SENP2: variants seen among roughly 807,000 people sequenced by gnomAD.
SENP2 encodes the protein sentrin-specific protease 2.
Under a neutral mutation model 86.3 loss-of-function variants are expected in SENP2, and 16 were observed. The observed-to-expected ratio is 0.19, with a 90% CI of 0.13 to 0.28. The LOEUF (loss-of-function observed/expected upper bound fraction) is 0.28, where lower values mean the gene tolerates loss of function less well. SENP2 is among the 10% of genes least tolerant of loss of function. SENP2 has a pLI of 1.00. For synonymous variants in SENP2, 222 were observed against 238.7 expected, an observed-to-expected ratio of 0.93 and a Z score of 0.64; for missense variants, 552 against 703.0, an observed-to-expected ratio of 0.79 and a Z score of 2.43.
At chr3:185,610,452 G>A (rs567960907) in intron 7 of SENP2, among the ~76,000 whole-genome samples, 3 of 151,712 alleles carry the variant, frequency 2.0e-5, no homozygotes, top group Admixed American at 1.3e-4. Flanking sequence ...GTGAGCCACC[G>A]CACCCGGCCT....
In SENP2 at chr3:185,586,314, C is replaced by T; in HGVS notation, c.-100C>T. On this transcript the variant is annotated 5_prime_UTR_variant, in exon 1 of 17. Coordinates refer to ENST00000296257, the MANE Select transcript of SENP2 (RefSeq NM_021627.3). The surrounding 1 kb of genome is among the most constrained non-coding windows in gnomAD (Gnocchi z 4.3). ...CGCGTCACAAATCAGCGACCGAACT[C>T]TGGCGGTGGTGGTTAAGACGGCGAA... The T allele has an allele frequency of 6.3e-7, 1 of 1,575,924 alleles. No homozygotes were observed.
At chr3:185,614,185 A>G (rs892953848) in intron 10 of SENP2, among the ~76,000 whole-genome samples, 2 of 152,234 alleles carry the variant, frequency 1.3e-5, no homozygotes, top group African/African-American at 2.4e-5. Flanking sequence ...TTGAGTTACT[A>G]TAAAGATAGT....
intron 2 of SENP2, among the ~76,000 whole-genome samples, chr3:185,591,689 A>T (rs1057510084): frequency 6.6e-6 from 1 of 151,888 alleles, no homozygotes; most frequent in Non-Finnish European, 1.5e-5. Flanking sequence ...AAATGTTTCA[A>T]ACTGAGGTGA....
chr3:185,599,874 A>C (rs1722289513), intron 4 of SENP2, among the ~76,000 whole-genome samples: 1 of 142,518 alleles, frequency 7.0e-6, no homozygotes, highest in South Asian at 2.2e-4. Context: ...CAATAGGGCG[A>C]TCTCGGCTCC....
rs140862193 is a variant in SENP2, at chr3:185,610,656, CT to C, written c.723-990del. 3.4e-3 allele frequency among the ~76,000 whole-genome samples: 519 copies of C among 152,156 alleles called. 5 individuals are homozygous for C. The highest frequency in any genetic ancestry group is 0.012 in the African/African-American group (490 of 41,534). ...TGGCGAAACCCTCAAACTATTTTTG[CT>C]TTTTAAAGTTGCTGCTTTGGCTGGG... is the stretch of plus-strand genomic sequence containing the variant. On this transcript the variant is annotated intron_variant, in intron 7 of 16. Coordinates refer to ENST00000296257, the MANE Select transcript of SENP2 (RefSeq NM_021627.3).
chr3:185,602,911 CTTT>C (rs748676466), intron 5 of SENP2, among the ~76,000 whole-genome samples: 15 of 105,752 alleles, frequency 1.4e-4, no homozygotes, highest in Admixed American at 4.5e-4. Flanking sequence ...TTACACGTTA[CTTT>C]TTTTTTTTTT....
At chr3:185,610,154 C>CTTTTTT (rs557832407) in intron 7 of SENP2, among the ~76,000 whole-genome samples, 9 of 115,078 alleles carry the variant, frequency 7.8e-5, no homozygotes, top group Non-Finnish European at 1.0e-4. Flanking sequence ...TATTATCTAG[C>CTTTTTT]TTTTTTTTTT....
In SENP2 at chr3:185,631,002, T is replaced by G. The variant is rs2148998549; in HGVS notation, c.*1158T>G. ...AAAACCTTACTGATATGGTTATAACTTCAGACAGTTTAGAGTTGGTCAGAA... is the reference window on the plus strand; with the variant it reads ...AAAACCTTACTGATATGGTTATAACGTCAGACAGTTTAGAGTTGGTCAGAA... On this transcript the variant is annotated 3_prime_UTR_variant, in exon 17 of 17. Coordinates refer to ENST00000296257, the MANE Select transcript of SENP2 (RefSeq NM_021627.3). 6.6e-6 allele frequency: 1 copy of G among 152,322 alleles called. No homozygotes were observed. The highest frequency in any genetic ancestry group is 1.9e-4 in the East Asian group (1 of 5,192). The allele number at this position is 152,322 out of a possible 1,614,324, so 9.4% of individuals were successfully genotyped here.
chr3:185,632,213 G>GTTTTTTTTTTTT lies in SENP2; in HGVS notation c.*2379_*2380insTTTTTTTTTTTT, dbSNP rs369236428. On this transcript the variant is annotated 3_prime_UTR_variant, in exon 17 of 17. Transcript: ENST00000296257. Reference sequence around the variant, plus strand: ...CAAATTATCACCATTAAAGCCAGTGGTTTTTTTTTTGTTTTTTTTTTTTGT... The same window carrying GTTTTTTTTTTTT: ...CAAATTATCACCATTAAAGCCAGTGGTTTTTTTTTTTTTTTTTTTTTTGTTTTTTTTTTTTGT... 7.2e-5 allele frequency: 9 copies of GTTTTTTTTTTTT among 125,358 alleles called. No homozygotes were observed. Among genetic ancestry groups the GTTTTTTTTTTTT allele is most frequent in the African/African-American group, 1.2e-4 (4 of 33,098 alleles). 7.8% of individuals were successfully genotyped at this position (125,358 alleles called of 1,614,324 possible). A position where few individuals can be genotyped will look rare whatever the true frequency, so the allele number is the denominator to read the frequency against.
chr3:185,629,493 G>A (rs139837525), intron 16 of SENP2, among the ~76,000 whole-genome samples: 155 of 151,524 alleles, frequency 1.0e-3, no homozygotes, highest in African/African-American at 3.7e-3. Context: ...GACAAGAATC[G>A]CTCGAACCCA....
At chr3:185,608,546 G>A (rs184359201) in intron 6 of SENP2, among the ~76,000 whole-genome samples, 1 of 152,192 alleles carries the variant, frequency 6.6e-6, no homozygotes, top group African/African-American at 2.4e-5. Flanking sequence ...TCTCCTGGAA[G>A]CTCGTGGATA....
intron 2 of SENP2, among the ~76,000 whole-genome samples, chr3:185,590,521 C>T (rs1040535727): frequency 1.3e-5 from 2 of 150,664 alleles, no homozygotes; most frequent in African/African-American, 2.4e-5. Context: ...GCACTTCAGC[C>T]TGGGGCGACA....
intron 7 of SENP2, 41 bp from the exon 8 acceptor site, chr3:185,611,610 T>C: frequency 1.5e-6 from 2 of 1,343,106 alleles, no homozygotes; most frequent in Non-Finnish European, 2.1e-6. Flanking sequence ...TGGTAGACTT[T>C]GCTTTTGTAT....
intron 2 of SENP2, among the ~76,000 whole-genome samples, chr3:185,595,778 A>G (rs1487580248): frequency 6.6e-6 from 1 of 151,874 alleles, no homozygotes; most frequent in Non-Finnish European, 1.5e-5. Context: ...TTTTGGTGGC[A>G]AGGAAGGGTG....
intron 7 of SENP2, among the ~76,000 whole-genome samples, chr3:185,609,588 A>G (rs1185155586): frequency 5.3e-5 from 8 of 152,088 alleles, no homozygotes; most frequent in African/African-American, 1.7e-4. Flanking sequence ...TGAAACTCTT[A>G]TATTAAAAAA....
chr3:185,627,259 TG>T (rs1712193163), intron 16 of SENP2, among the ~76,000 whole-genome samples: 3 of 152,164 alleles, frequency 2.0e-5, no homozygotes, highest in Admixed American at 2.0e-4. Flanking sequence ...TGGCATTCAT[TG>T]GTTCCTGTGT....
chr3:185,595,476 G>A (rs1560190216), intron 2 of SENP2, among the ~76,000 whole-genome samples: 1 of 152,178 alleles, frequency 6.6e-6, no homozygotes, highest in Non-Finnish European at 1.5e-5. Context: ...ATTGGATTGT[G>A]CTTTACCTGG....
At chr3:185,595,487 C>G (rs891214748) in intron 2 of SENP2, among the ~76,000 whole-genome samples, 3 of 152,166 alleles carry the variant, frequency 2.0e-5, no homozygotes, top group African/African-American at 7.2e-5. Flanking sequence ...CTTTACCTGG[C>G]CATTACTTTT....
Position 185,631,935 on chromosome 3 carries a change from G to A in SENP2, c.*2091G>A, listed in dbSNP as rs866818202. On this transcript the variant is annotated 3_prime_UTR_variant, in exon 17 of 17. Transcript: ENST00000296257. Reference sequence around the variant, plus strand: ...TCCATTAACCTACACTCTTCCGGACGGCTCTTAAAACTTGCAGGACATAAT... The same window carrying A: ...TCCATTAACCTACACTCTTCCGGACAGCTCTTAAAACTTGCAGGACATAAT... 7 of 151,452 alleles carry A rather than the reference G, an allele frequency of 4.6e-5. No homozygotes were observed. The highest frequency in any genetic ancestry group is 1.3e-4 in the Admixed American group (2 of 15,192). 9.4% of individuals were successfully genotyped at this position (151,452 alleles called of 1,614,324 possible).
Sources: allele counts gnomAD v4.1 joint callset (sites outside exome capture counted in the v4.1 genomes callset), GRCh38; gene constraint gnomAD v4.1.1; non-coding constraint Gnocchi (gnomAD v3.1); transcripts MANE v1.5; gene names NCBI Gene and HGNC (gene_info 2026-07-23, HGNC 2026-07-21).